MBOAT4: variants seen among roughly 807,000 people sequenced by gnomAD.
MBOAT4 encodes membrane-bound ghrelin O-acyltransferase MBOAT4.
In MBOAT4, 11 loss-of-function variants were observed where a neutral mutation model predicts 13.2. That is an observed-to-expected ratio of 0.84 (90% CI 0.53 to 1.38). MBOAT4 has a LOEUF of 1.38. MBOAT4 is among the 40% of genes most tolerant of loss of function. The pLI is 0.00. For synonymous variants in MBOAT4, 202 were observed against 210.3 expected, an observed-to-expected ratio of 0.96 and a Z score of 0.34; for missense variants, 481 against 527.2, an observed-to-expected ratio of 0.91 and a Z score of 0.86.
chr8:30,133,105 T>C (rs1020697427), intron 2 of MBOAT4, among the ~76,000 whole-genome samples, 199 bp from the exon 3 acceptor site: 2 of 152,172 alleles, frequency 1.3e-5, no homozygotes, highest in African/African-American at 4.8e-5. Context: ...TTTATAGACA[T>C]GGGGTCTCAC....
intron 2 of MBOAT4, chr8:30,138,211 C>A: frequency 4.8e-6 from 1 of 206,226 alleles, no homozygotes; most frequent in Non-Finnish European, 1.0e-5. Context: ...ATAAAACTGG[C>A]CTGTCTCCCG....
At chr8:30,141,144 G>A (rs943200775) in intron 1 of MBOAT4, among the ~76,000 whole-genome samples, 3 of 151,922 alleles carry the variant, frequency 2.0e-5, no homozygotes, top group African/African-American at 7.3e-5. Flanking sequence ...CCTGGCCATT[G>A]TTTTTTTAAT....
At chr8:30,138,876 T>G (rs1272011939) in intron 1 of MBOAT4, 120 bp from the exon 2 acceptor site, 1 of 688,574 alleles carries the variant, frequency 1.5e-6, no homozygotes, top group East Asian at 2.7e-5. Flanking sequence ...AAAGTAGCCA[T>G]GCTGTTTGCA....
intron 2 of MBOAT4, among the ~76,000 whole-genome samples, chr8:30,137,091 G>T (rs78621504): frequency 5.9e-5 from 9 of 152,048 alleles, no homozygotes; most frequent in Non-Finnish European, 1.3e-4. Flanking sequence ...ATAGGTGACC[G>T]CCTGGAGCAT....
intron 2 of MBOAT4, among the ~76,000 whole-genome samples, chr8:30,135,817 G>C (rs1803126973): frequency 1.3e-5 from 2 of 151,974 alleles, no homozygotes; most frequent in East Asian, 3.9e-4. Flanking sequence ...AGGAGGCTGA[G>C]GTGGGAGGAT....
chr8:30,132,285 G>A lies in MBOAT4; in HGVS notation c.966C>T (p.Ser322=), dbSNP rs1384398233. The A allele has an allele frequency of 1.3e-6, 2 of 1,551,796 alleles. No homozygotes were observed. Among genetic ancestry groups the A allele is most frequent in the Non-Finnish European group, 1.7e-6 (2 of 1,147,012 alleles). Residue 322 remains serine (S), a synonymous_variant, in exon 3 of 3, where the codon AGC becomes AGT. Coordinates refer to ENST00000320542, the MANE Select transcript of MBOAT4 (RefSeq NM_001100916.2). ...RWLRRLVFQH[S]RAWPLLQTFA... Reference sequence around the variant, plus strand: ...ATGTCTGCAACAACGGCCAAGCCCTGCTGTGCTGGAATACAAGCCGTCGGA... The same window carrying A: ...ATGTCTGCAACAACGGCCAAGCCCTACTGTGCTGGAATACAAGCCGTCGGA...
Position 30,131,746 on chromosome 8 carries a change from T to C in MBOAT4, c.*197A>G. On this transcript the variant is annotated 3_prime_UTR_variant, in exon 3 of 3. Transcript: ENST00000320542. The stretch of plus-strand genomic sequence containing the variant: ...GGGAAGAAACCACATCTTTTTCCTT[T>C]TTGTATCCTCAGTACCAGCAGAATA... 1.8e-6 allele frequency: 1 copy of C among 568,454 alleles called. No homozygotes were observed. Among genetic ancestry groups the C allele is most frequent in the Non-Finnish European group, 2.9e-6 (1 of 339,438 alleles). The allele number at this position is 568,454 out of a possible 1,614,324, so 35.2% of individuals were successfully genotyped here.
chr8:30,132,458 G>C lies in MBOAT4; in HGVS notation c.793C>G (p.Leu265Val), dbSNP rs149271404. The C allele has an allele frequency of 5.8e-6, 9 of 1,551,634 alleles. No homozygotes were observed. The highest frequency in any genetic ancestry group is 7.8e-6 in the Non-Finnish European group (9 of 1,147,012). Residue 265 changes from leucine to valine, a missense_variant, in exon 3 of 3, where the codon CTC becomes GTC. Physicochemically the swap from Leu to Val is conservative, Grantham distance 32. Coordinates refer to ENST00000320542, the MANE Select transcript of MBOAT4 (RefSeq NM_001100916.2). Reference protein sequence around the residue: ...YYSHWILDDSLLHAAGFGPEL... With the variant: ...YYSHWILDDSVLHAAGFGPEL... ...GGCCCAAAGCCCGCTGCGTGGAGGA[G>C]GGAGTCGTCCAGGATCCAGTGGGAG... is the stretch of plus-strand genomic sequence containing the variant.
chr8:30,136,939 C>T (rs1402739830), intron 2 of MBOAT4, among the ~76,000 whole-genome samples: 1 of 152,074 alleles, frequency 6.6e-6, no homozygotes, highest in Non-Finnish European at 1.5e-5. Context: ...CTGCCTGCCT[C>T]AGCCTCCCAA....
rs537843604 is a variant in MBOAT4 at position 30,139,237 on chromosome 8, G to A, written c.120-481C>T. 2.0e-5 allele frequency among the ~76,000 whole-genome samples: 3 copies of A among 152,028 alleles called. No homozygotes were observed. In the South Asian group the frequency reaches 6.3e-4, roughly 32 times the overall value. ...CAAAATCCTACAATTGCAGGCATGAGCCACCCCCCTGGCCTGGAGACAAAT... is the reference window on the plus strand; with the variant it reads ...CAAAATCCTACAATTGCAGGCATGAACCACCCCCCTGGCCTGGAGACAAAT... On this transcript the variant is annotated intron_variant, in intron 1 of 2. Coordinates refer to ENST00000320542, the MANE Select transcript of MBOAT4 (RefSeq NM_001100916.2).
At chr8:30,142,226 G>A (rs1381434557) in intron 1 of MBOAT4, among the ~76,000 whole-genome samples, 2 of 152,162 alleles carry the variant, frequency 1.3e-5, no homozygotes, top group Non-Finnish European at 2.9e-5. Flanking sequence ...CCATGAGATA[G>A]GCATTATGTT....
chr8:30,138,721 G>C lies in MBOAT4; in HGVS notation c.155C>G (p.Ala52Gly), dbSNP rs1246559510. Residue 52 changes from alanine to glycine, a missense_variant, in exon 2 of 3, where the codon GCC becomes GGC. Ala to Gly is a moderately conservative substitution (Grantham distance 60). Transcript: ENST00000320542. The part of the protein sequence containing the change: ...LFLLTGGGAL[A>G]VAAMGSYAVL... ...GGCGTAGGAACCCATGGCAGCCACGGCCAGGGCACCTCCTCCAGTCAGGAG... is the reference window on the plus strand; with the variant it reads ...GGCGTAGGAACCCATGGCAGCCACGCCCAGGGCACCTCCTCCAGTCAGGAG... 1 of 1,550,086 alleles carries C rather than the reference G, an allele frequency of 6.5e-7. No individual in the cohort carries two copies. Among genetic ancestry groups the C allele is most frequent in the East Asian group, 2.4e-5 (1 of 40,928 alleles).
intron 2 of MBOAT4, among the ~76,000 whole-genome samples, chr8:30,133,468 G>C (rs752120901): frequency 1.3e-5 from 2 of 152,122 alleles, no homozygotes; most frequent in Non-Finnish European, 2.9e-5. Context: ...ACATTTACAC[G>C]CATGTTCAAC....
At chr8:30,141,872 G>A (rs1803266034) in intron 1 of MBOAT4, among the ~76,000 whole-genome samples, 1 of 152,154 alleles carries the variant, frequency 6.6e-6, no homozygotes, top group Admixed American at 6.5e-5. Flanking sequence ...AAGTGTCTCA[G>A]TGTGAGAGCA....
chr8:30,142,109 GAATGTGTGACTTAGC>G (rs1437866913), intron 1 of MBOAT4, among the ~76,000 whole-genome samples: 10 of 152,320 alleles, frequency 6.6e-5, no homozygotes, highest in African/African-American at 2.2e-4. Context: ...GGACAATGTA[GAATGTGTGACTTAGC>G]AATGTGTGAC....
At chr8:30,140,052 T>G (rs1286506525) in intron 1 of MBOAT4, among the ~76,000 whole-genome samples, 1 of 152,192 alleles carries the variant, frequency 6.6e-6, no homozygotes, top group East Asian at 1.9e-4. Context: ...AGAATCTTTT[T>G]TTTTAGACAG....
Position 30,131,683 on chromosome 8 carries a change from C to T in MBOAT4, c.*260G>A, listed in dbSNP as rs1227896111. The T allele has an allele frequency of 3.0e-6, 1 of 333,482 alleles. No homozygotes were observed. The highest frequency in any genetic ancestry group is 6.5e-5 in the East Asian group (1 of 15,312). 20.7% of individuals were successfully genotyped at this position (333,482 alleles called of 1,614,324 possible). A position where few individuals can be genotyped will look rare whatever the true frequency, so the allele number is the denominator to read the frequency against. On this transcript the variant is annotated 3_prime_UTR_variant, in exon 3 of 3. Transcript: ENST00000320542. ...CCTTGTGTTTTTATGTATCACTTTA[C>T]TTAATCTTTGCTTCCACATCTAGAC...
At chr8:30,133,966 A>G (rs1226533675) in intron 2 of MBOAT4, among the ~76,000 whole-genome samples, 4 of 152,310 alleles carry the variant, frequency 2.6e-5, no homozygotes, top group Middle Eastern at 3.4e-3. Context: ...ACAACCTTGC[A>G]TAACAACCAT....
In MBOAT4 at chr8:30,132,399, A is replaced by T. The variant is rs1803041364; in HGVS notation, c.852T>A (p.Tyr284Ter). The change falls in exon 3 of 3, where the codon TAT (tyrosine) becomes TAA (stop). Residue 284 changes from tyrosine to a stop codon, truncating the protein, a stop_gained. Coordinates refer to ENST00000320542, the MANE Select transcript of MBOAT4 (RefSeq NM_001100916.2). LOFTEE classifies it low-confidence loss of function (END_TRUNC). ...GGGTCCAGATGTCTGCATCGGGGACATATCCCTCCTCTCCAGGGCTCTGAC... is the reference window on the plus strand; with the variant it reads ...GGGTCCAGATGTCTGCATCGGGGACTTATCCCTCCTCTCCAGGGCTCTGAC... ...ELGQSPGEEG[Y>*]VPDADIWTLE... is the part of the protein sequence containing the mutation. 6.4e-7 allele frequency: 1 copy of T among 1,551,630 alleles called. No homozygotes were observed. Among genetic ancestry groups the T allele is most frequent in the Non-Finnish European group, 8.7e-7 (1 of 1,147,022 alleles).
Sources: gnomAD v4.1 joint callset for allele counts (sites outside exome capture counted in the v4.1 genomes callset) on GRCh38, gnomAD v4.1.1 for gene constraint, MANE v1.5 for transcripts, NCBI Gene and HGNC (gene_info 2026-07-23, HGNC 2026-07-21) for gene names.